LIPA: variants seen among roughly 807,000 people sequenced by gnomAD.
LIPA encodes lysosomal acid lipase/cholesteryl ester hydrolase.
In LIPA, 26 loss-of-function variants were observed where a neutral mutation model predicts 40.6. The observed-to-expected ratio is 0.64, with a 90% CI of 0.47 to 0.89. LIPA has a LOEUF of 0.89. Among genes scored for constraint, LIPA ranks in the 40% least tolerant of loss-of-function variants. The probability of loss-of-function intolerance (pLI) is 0.00; values close to 1 mark genes in which losing one functional copy is unlikely to be tolerated. For synonymous variants in LIPA, 188 were observed against 168.4 expected (o/e 1.12, Z -0.90); for missense variants, 455 against 479.6 (o/e 0.95, Z 0.48).
chr10:89,225,341 A>G, intron 5 of LIPA, 113 bp from the exon 6 acceptor site: 1 of 1,275,626 alleles, frequency 7.8e-7, no homozygotes, highest in Non-Finnish European at 1.1e-6. Context: ...GACCCACGCA[A>G]ACAATACCAC....
At chr10:89,254,123 A>T (rs1202315080), upstream of LIPA, among the ~76,000 whole-genome samples, 5 of 152,210 alleles carry the variant, frequency 3.3e-5, no homozygotes, top group Non-Finnish European at 1.5e-5. Context: ...CTCTTCTCAC[A>T]GCTGCACTAG....
intron 1 of LIPA, among the ~76,000 whole-genome samples, chr10:89,272,549 A>G (rs1843270767): frequency 6.6e-6 from 1 of 152,234 alleles, no homozygotes; most frequent in African/African-American, 2.4e-5. Flanking sequence ...TAGTGCTGCA[A>G]TGAACATATA....
intron 1 of LIPA, among the ~76,000 whole-genome samples, chr10:89,287,705 A>T (rs1252391562): frequency 1.3e-5 from 2 of 152,110 alleles, no homozygotes; most frequent in Admixed American, 6.5e-5. Context: ...AGCACGCTTT[A>T]AAAAGGATTA....
intron 2 of LIPA, among the ~76,000 whole-genome samples, chr10:89,247,155 G>A (rs1387707091): frequency 6.6e-6 from 1 of 151,960 alleles, no homozygotes; most frequent in Non-Finnish European, 1.5e-5. Context: ...CAGATCACCT[G>A]AGCTCAGGAG....
At chr10:89,383,956 G>A (rs748260211) in intron 2 of LIPA, 1 of 1,614,222 alleles carries the variant, frequency 6.2e-7, no homozygotes, top group Non-Finnish European at 8.5e-7. Flanking sequence ...GCTAAATCCA[G>A]ATGATGTATA....
At chr10:89,357,287 C>T (rs1287399058) in intron 2 of LIPA, among the ~76,000 whole-genome samples, 1 of 152,142 alleles carries the variant, frequency 6.6e-6, no homozygotes, top group African/African-American at 2.4e-5. Flanking sequence ...CCCTCACTTG[C>T]CTAAGAAGCA....
intron 2 of LIPA, among the ~76,000 whole-genome samples, chr10:89,380,268 G>C (rs1812998476): frequency 6.6e-6 from 1 of 152,140 alleles, no homozygotes; most frequent in South Asian, 2.1e-4. Flanking sequence ...TTCAGGGACA[G>C]AGGAGCAGAT....
At chr10:89,412,215 G>A (rs304442) in intron 2 of LIPA, among the ~76,000 whole-genome samples, 26,276 of 152,162 alleles carry the variant, frequency 0.17, 2,913 homozygotes, top group East Asian at 0.44. Flanking sequence ...GGGGGATTGA[G>A]AGGTGAAGCT....
At chr10:89,395,420 T>C (rs1328117032) in intron 2 of LIPA, among the ~76,000 whole-genome samples, 5 of 152,226 alleles carry the variant, frequency 3.3e-5, no homozygotes, top group Non-Finnish European at 5.9e-5. Context: ...CTGCAAGGCA[T>C]ATTACCCTCT....
rs201849859 is a variant in LIPA, at chr10:89,247,492, G to A, written c.111+46C>T. On this transcript the variant is annotated intron_variant, in intron 2 of 9. Transcript: ENST00000336233. ...TTCATGTAGCTCACATAACTGGATC[G>A]GGGAAATAGATGCATTTTAAAAGTA... The A allele has an allele frequency of 1.1e-4, 124 of 1,132,002 alleles. 1 individual carries two copies. The highest frequency in any genetic ancestry group is 6.8e-4 in the East Asian group (29 of 42,412). 70.1% of individuals were successfully genotyped at this position (1,132,002 alleles called of 1,614,324 possible).
chr10:89,319,113 A>G (rs1405242471), intron 1 of LIPA, among the ~76,000 whole-genome samples: 2 of 152,286 alleles, frequency 1.3e-5, no homozygotes, highest in South Asian at 2.1e-4. Flanking sequence ...AGAAAGCAGG[A>G]AAGATCTAAA....
At chr10:89,399,216 A>G (rs1429094870) in intron 2 of LIPA, among the ~76,000 whole-genome samples, 1 of 151,894 alleles carries the variant, frequency 6.6e-6, no homozygotes, top group East Asian at 1.9e-4. Flanking sequence ...TTTCTTAATC[A>G]GTTGTTTGTT....
intron 2 of LIPA, among the ~76,000 whole-genome samples, chr10:89,365,622 T>C (rs933971407): frequency 3.9e-5 from 6 of 152,164 alleles, no homozygotes; most frequent in African/African-American, 1.4e-4. Flanking sequence ...TGAATTAATT[T>C]TTGTATAAGG....
intron 3 of LIPA, 118 bp downstream of exon 3, chr10:89,245,558 G>T: frequency 1.3e-6 from 1 of 756,384 alleles, no homozygotes; most frequent in South Asian, 1.4e-5. Context: ...CCTCAACACA[G>T]TTAGTGCTTT....
At position 89,219,039 on chromosome 10, in the gene LIPA, A is replaced by G. The variant is rs548847267; in HGVS notation, c.895-3030T>C. 5.3e-5 allele frequency among the ~76,000 whole-genome samples: 8 copies of G among 152,322 alleles called. No homozygotes were observed. In the South Asian group the frequency reaches 1.2e-3, roughly 24 times the overall value. ...GGCTATTGCTGGGTGCTAGACATAC[A>G]AGTCATTTTTCTTTCACTCATGTAT... On this transcript the variant is annotated intron_variant, in intron 8 of 9. Coordinates refer to ENST00000336233, the MANE Select transcript of LIPA (RefSeq NM_000235.4).
At chr10:89,361,494 C>G (rs544480679) in intron 2 of LIPA, among the ~76,000 whole-genome samples, 1 of 152,274 alleles carries the variant, frequency 6.6e-6, no homozygotes, top group African/African-American at 2.4e-5. Context: ...GCCCCAGGTT[C>G]ATTTCTCCTG....
Position 89,302,266 on chromosome 10 carries a change from G to T in LIPA, c.-2+40345C>A, listed in dbSNP as rs1843449815. ...GCCTTACTATGCCTCTACCTCTGTT[G>T]GTTGTAAATCTGTCTTACCAATGGT... On this transcript the variant is annotated intron_variant, in intron 1 of 5. Coordinates refer to the LIPA transcript ENST00000282673. The T allele has an allele frequency of 3.4e-6, 3 of 890,354 alleles. No homozygotes were observed. In the East Asian group the frequency reaches 7.6e-5, roughly 23 times the overall value. 55.2% of individuals were successfully genotyped at this position (890,354 alleles called of 1,614,324 possible).
intron 1 of LIPA, chr10:89,314,495 C>G (rs891136656): frequency 1.1e-4 from 17 of 152,240 alleles, no homozygotes; most frequent in Admixed American, 1.0e-3. Context: ...TGGTGAAACC[C>G]CATCTCCACT....
chr10:89,373,790 T>C (rs1844106208), intron 2 of LIPA, among the ~76,000 whole-genome samples: 1 of 152,166 alleles, frequency 6.6e-6, no homozygotes, highest in Admixed American at 6.5e-5. Context: ...CATCTGGACA[T>C]GTTAAAAGGC....
Sources: allele counts gnomAD v4.1 joint callset (sites outside exome capture counted in the v4.1 genomes callset), GRCh38; gene constraint gnomAD v4.1.1; transcripts MANE v1.5; gene names NCBI Gene and HGNC (gene_info 2026-07-23, HGNC 2026-07-21).